The following AMOTL1 variants were observed in gnomAD, a reference collection of about 807,000 sequenced individuals.
The protein encoded by AMOTL1 is angiomotin like 1.
In AMOTL1, 45 loss-of-function variants were observed where a neutral mutation model predicts 102.9. That is an observed-to-expected ratio of 0.44 (90% CI 0.34 to 0.56). The LOEUF (loss-of-function observed/expected upper bound fraction) is 0.56, where lower values mean the gene tolerates loss of function less well. Ranked by LOEUF, AMOTL1 falls within the 20% of genes least tolerant of loss-of-function variation. The pLI is 0.01. For synonymous variants in AMOTL1, 481 were observed against 484.7 expected (o/e 0.99, Z 0.10); for missense variants, 1,114 against 1,225.6 (o/e 0.91, Z 1.36).
chr11:94,769,296 G>A (rs1175617230), intron 1 of AMOTL1, among the ~76,000 whole-genome samples: 2 of 152,214 alleles, frequency 1.3e-5, no homozygotes, highest in African/African-American at 4.8e-5. Flanking sequence ...AGGAGGGAGA[G>A]TGGTACGTTG....
At chr11:94,711,589 C>G (rs1950022457) in intron 1 of AMOTL1, among the ~76,000 whole-genome samples, 1 of 152,066 alleles carries the variant, frequency 6.6e-6, no homozygotes, top group South Asian at 2.1e-4. Flanking sequence ...TTATACTTCC[C>G]TTTTAAAGCC....
intron 12 of AMOTL1, among the ~76,000 whole-genome samples, chr11:94,870,470 T>C (rs73520316): frequency 0.062 from 9,384 of 152,244 alleles, 528 homozygotes; most frequent in African/African-American, 0.15. Context: ...CATCCTCACC[T>C]TCTGAATCCT....
chr11:94,799,832 G>C lies in AMOTL1; in HGVS notation c.642G>C (p.Val214=). Residue 214 remains valine, a synonymous_variant, in exon 3 of 13, where the codon GTG becomes GTC. Coordinates refer to ENST00000433060, the MANE Select transcript of AMOTL1 (RefSeq NM_130847.3). The surrounding 1 kb of genome is among the most constrained non-coding windows in gnomAD (Gnocchi z 4.5). The part of the protein sequence containing the change: ...QQQQQQQQGA[V]GHGYYMAGGT... ...AGCAGCAACAGCAGCAGGGGGCGGT[G>C]GGCCATGGTTACTACATGGCAGGGG... is the stretch of plus-strand genomic sequence containing the variant. The C allele has an allele frequency of 6.3e-7, 1 of 1,593,902 alleles. No homozygotes were observed. The highest frequency in any genetic ancestry group is 8.5e-7 in the Non-Finnish European group (1 of 1,169,704).
intron 3 of AMOTL1, among the ~76,000 whole-genome samples, chr11:94,813,635 G>A (rs1021401160): frequency 6.6e-6 from 1 of 152,186 alleles, no homozygotes; most frequent in Non-Finnish European, 1.5e-5. Flanking sequence ...GCATCTTGGT[G>A]AATTTGTGCC....
chr11:94,740,611 C>A (rs7946897), intron 2 of AMOTL1, among the ~76,000 whole-genome samples: 1 of 147,330 alleles, frequency 6.8e-6, no homozygotes, highest in Admixed American at 6.8e-5. Context: ...ATGCGCCCCG[C>A]GGGCTGAGGG....
At chr11:94,779,876 C>T (rs137989111) in intron 1 of AMOTL1, among the ~76,000 whole-genome samples, 15 of 149,866 alleles carry the variant, frequency 1.0e-4, no homozygotes, top group African/African-American at 2.2e-4. Context: ...AAAAAATTAT[C>T]GTTTGATTGG....
intron 2 of AMOTL1, among the ~76,000 whole-genome samples, chr11:94,739,973 T>C (rs745438637): frequency 1.3e-5 from 2 of 152,202 alleles, no homozygotes; most frequent in African/African-American, 2.4e-5. Context: ...CAATCTTTTA[T>C]AGAGTAGAAG....
intron 1 of AMOTL1, among the ~76,000 whole-genome samples, chr11:94,723,152 C>A (rs1950200529): frequency 6.6e-6 from 1 of 152,084 alleles, no homozygotes; most frequent in Non-Finnish European, 1.5e-5. Flanking sequence ...TTACCTGAGC[C>A]TGAGTATGGC....
Position 94,768,537 on chromosome 11 carries a change from G to A in AMOTL1, c.26G>A (p.Gly9Glu). 6.2e-7 allele frequency: 1 copy of A among 1,601,572 alleles called. No homozygotes were observed. The highest frequency in any genetic ancestry group is 8.5e-7 in the Non-Finnish European group (1 of 1,174,554). ...ATGTGGAGGGCAAAGTTGCGCCGGG[G>A]AACTTGTGAGCCTGCGGTGAAAGGT... MWRAKLRR[G>E]TCEPAVKGSP... is the part of the protein sequence containing the mutation. Residue 9 changes from glycine to glutamate, a missense_variant, in exon 1 of 13, where the codon GGA becomes GAA. Gly to Glu is a moderately conservative substitution (Grantham distance 98, BLOSUM62 -2). Transcript: ENST00000433060.
chr11:94,749,148 C>T (rs1176288256), intron 3 of AMOTL1, among the ~76,000 whole-genome samples: 2 of 152,196 alleles, frequency 1.3e-5, no homozygotes, highest in African/African-American at 4.8e-5. Context: ...TGGTGAGCCT[C>T]AGTCCAAGTC....
At position 94,780,455 on chromosome 11, in the gene AMOTL1, G is replaced by C. The variant is rs971511700; in HGVS notation, c.49+11895G>C. On this transcript the variant is annotated intron_variant, in intron 1 of 12. Transcript: ENST00000433060. ...GGTCTTCCCTCATCCCAAATTCTTG[G>C]AAAGTTGAAAATGTAATTTTAGCAT... Among the ~76,000 whole-genome samples the C allele has an allele frequency of 2.0e-5, 3 of 152,158 alleles. 1 individual carries two copies. The highest frequency in any genetic ancestry group is 4.4e-5 in the Non-Finnish European group (3 of 68,022).
chr11:94,840,892 C>T (rs1351382423), intron 6 of AMOTL1, among the ~76,000 whole-genome samples: 4 of 151,716 alleles, frequency 2.6e-5, no homozygotes, highest in Non-Finnish European at 4.4e-5. Flanking sequence ...TGTCCTATTT[C>T]CTGAAATGTA....
At chr11:94,827,815 C>G (rs749119796) in intron 4 of AMOTL1, among the ~76,000 whole-genome samples, 2 of 152,236 alleles carry the variant, frequency 1.3e-5, no homozygotes, top group Non-Finnish European at 1.5e-5. Context: ...CCTCTGTAAC[C>G]TCTCAGGGTG....
At chr11:94,721,604 G>A (rs752932841) in intron 1 of AMOTL1, among the ~76,000 whole-genome samples, 5 of 152,100 alleles carry the variant, frequency 3.3e-5, no homozygotes, top group African/African-American at 9.7e-5. Context: ...TGAGGACACA[G>A]GGAGAAGGTG....
At chr11:94,831,430 A>T (rs1952068746) in intron 5 of AMOTL1, 22 bp from the exon 6 acceptor site, 1 of 1,581,056 alleles carries the variant, frequency 6.3e-7, no homozygotes, top group Admixed American at 1.7e-5. Flanking sequence ...TTTCTTTGTA[A>T]TCATTTCCTC....
At chr11:94,786,184 A>G (rs1951185626) in intron 1 of AMOTL1, among the ~76,000 whole-genome samples, 1 of 152,220 alleles carries the variant, frequency 6.6e-6, no homozygotes, top group African/African-American at 2.4e-5. Context: ...TCAACATAAA[A>G]TATATATTAT....
chr11:94,794,109 A>G (rs1461815483), intron 1 of AMOTL1, among the ~76,000 whole-genome samples: 1 of 152,220 alleles, frequency 6.6e-6, no homozygotes, highest in African/African-American at 2.4e-5. Context: ...ATTGCTGAAA[A>G]ACAGGATTTT....
At chr11:94,826,458 C>T (rs905725986) in intron 4 of AMOTL1, among the ~76,000 whole-genome samples, 1 of 152,134 alleles carries the variant, frequency 6.6e-6, no homozygotes, top group African/African-American at 2.4e-5. Flanking sequence ...ATTCTGCAGG[C>T]TGGGAAGTTT....
intron 4 of AMOTL1, among the ~76,000 whole-genome samples, chr11:94,822,172 G>A (rs1404764402): frequency 6.6e-6 from 1 of 152,192 alleles, no homozygotes; most frequent in African/African-American, 2.4e-5. Context: ...AGGAGGCCAT[G>A]CGCGGTGGTC....
Sources: gnomAD v4.1 joint callset for allele counts (sites outside exome capture counted in the v4.1 genomes callset) on GRCh38, gnomAD v4.1.1 for gene constraint, Gnocchi (gnomAD v3.1) non-coding constraint, MANE v1.5 for transcripts, NCBI Gene and HGNC (gene_info 2026-07-23, HGNC 2026-07-21) for gene names.